Variants in PML observed in about 807,000 individuals in gnomAD.
PML encodes PML nuclear body scaffold, also known as protein PML.
Under a neutral mutation model 65.2 loss-of-function variants are expected in PML, and 28 were observed. The observed-to-expected ratio is 0.43, with a 90% CI of 0.32 to 0.59. PML has a LOEUF of 0.59. PML is among the 20% of genes least tolerant of loss of function. The pLI is 0.08. For synonymous variants in PML, 500 were observed against 508.8 expected (o/e 0.98, Z 0.23); for missense variants, 1,021 against 1,203.4 (o/e 0.85, Z 2.24).
At chr15:74,014,040 A>G (rs901136861) in intron 2 of PML, among the ~76,000 whole-genome samples, 11 of 152,204 alleles carry the variant, frequency 7.2e-5, no homozygotes, top group Non-Finnish European at 1.3e-4. Flanking sequence ...CTCACTGCTG[A>G]CACTATTTGG....
chr15:74,021,469 C>T (rs1240124652), intron 2 of PML, among the ~76,000 whole-genome samples: 1 of 152,074 alleles, frequency 6.6e-6, no homozygotes, highest in African/African-American at 2.4e-5. Flanking sequence ...CTTGTAATCC[C>T]AGCTACTCGG....
chr15:74,005,935 C>G (rs970430856), intron 2 of PML, among the ~76,000 whole-genome samples: 1 of 152,146 alleles, frequency 6.6e-6, no homozygotes, highest in African/African-American at 2.4e-5. Context: ...GGCCGCTCCC[C>G]ACGAGCCCCA....
intron 2 of PML, among the ~76,000 whole-genome samples, chr15:74,020,329 G>A (rs2070779784): frequency 7.4e-6 from 1 of 135,128 alleles, no homozygotes; most frequent in Non-Finnish European, 1.5e-5. Flanking sequence ...TTGCTCTGTT[G>A]GCCAGGCTGG....
intron 4 of PML, chr15:74,027,004 A>G (rs2071107805): frequency 2.6e-5 from 4 of 152,198 alleles, no homozygotes; most frequent in Admixed American, 2.6e-4. Flanking sequence ...TTACAAGCAA[A>G]TATTATTATA....
In PML at chr15:74,037,639, G is replaced by A. The variant is rs1303551068; in HGVS notation, c.1710+3109G>A. On this transcript the variant is annotated intron_variant, in intron 7 of 8. Transcript: ENST00000268058. The surrounding 1 kb of genome is among the most constrained non-coding windows in gnomAD (Gnocchi z 4.2). ...ACCAGGGTGGCCTCTGTGCCTCTAG[G>A]TGCAGTGTCGCGTTTAGTCGTTATT... 4.1e-6 allele frequency: 4 copies of A among 985,256 alleles called. No homozygotes were observed. The highest frequency in any genetic ancestry group is 4.8e-6 in the Non-Finnish European group (4 of 829,936). The allele number at this position is 985,256 out of a possible 1,614,324, so 61.0% of individuals were successfully genotyped here. A position where few individuals can be genotyped will look rare whatever the true frequency, so the allele number is the denominator to read the frequency against.
chr15:74,038,714 C>T (rs1416835582), intron 7 of PML, among the ~76,000 whole-genome samples: 1 of 152,134 alleles, frequency 6.6e-6, no homozygotes, highest in African/African-American at 2.4e-5. Flanking sequence ...CTAACCCATC[C>T]TCCCCAGCTC....
intron 7 of PML, chr15:74,036,869 G>A: frequency 1.1e-6 from 1 of 915,666 alleles, no homozygotes; most frequent in Non-Finnish European, 1.3e-6. Context: ...ACCGAGCACT[G>A]TCGGTCCCTC....
chr15:74,034,335 C>T (rs1294651550), intron 6 of PML, 143 bp from the exon 7 acceptor site: 14 of 984,500 alleles, frequency 1.4e-5, no homozygotes, highest in Non-Finnish European at 2.0e-5. Flanking sequence ...CATTGGCACA[C>T]ACAGTGGCTG....
chr15:73,997,946 C>T (rs2141707077), intron 1 of PML, 58 bp from the exon 2 acceptor site: 9 of 1,472,076 alleles, frequency 6.1e-6, no homozygotes, highest in Non-Finnish European at 8.5e-6. Context: ...GGTGGTTGGC[C>T]GGTAGGTGGG....
intron 7 of PML, chr15:74,036,088 T>A (rs917346558): frequency 6.2e-7 from 1 of 1,613,688 alleles, no homozygotes; most frequent in Admixed American, 1.7e-5. Flanking sequence ...AATCAACGAA[T>A]GAATGGCTAT....
chr15:74,025,139 AG>A, intron 4 of PML: 1 of 574,098 alleles, frequency 1.7e-6, no homozygotes, highest in South Asian at 1.9e-5. Context: ...TAAATGCCAA[AG>A]TTGCTCTTGA....
intron 2 of PML, among the ~76,000 whole-genome samples, chr15:74,006,819 C>T (rs2141753428): frequency 6.6e-6 from 1 of 152,242 alleles, no homozygotes; most frequent in South Asian, 2.1e-4. Context: ...AGGCGTGTCG[C>T]ATGGCAAGAG....
At chr15:74,007,501 C>T (rs188075132) in intron 2 of PML, among the ~76,000 whole-genome samples, 54 of 152,330 alleles carry the variant, frequency 3.5e-4, no homozygotes, top group African/African-American at 1.1e-3. Context: ...TGGACAAACT[C>T]AACTTATTTT....
In PML at chr15:74,045,166, T is replaced by C; in HGVS notation, c.*158T>C. On this transcript the variant is annotated 3_prime_UTR_variant, in exon 9 of 9. Transcript: ENST00000268058. ...CCCTTTCTCTGGGACCAAATTTCCC[T>C]TCTCTAAACATCCTACAGAGAAGGT... is the stretch of plus-strand genomic sequence containing the variant. 1 of 675,720 alleles carries C rather than the reference T, an allele frequency of 1.5e-6. No individual in the cohort carries two copies. Among genetic ancestry groups the C allele is most frequent in the South Asian group, 1.9e-5 (1 of 51,308 alleles). The allele number at this position is 675,720 out of a possible 1,614,324, so 41.9% of individuals were successfully genotyped here.
chr15:74,033,045 GAGGGGAC>G, intron 5 of PML, 104 bp from the exon 6 acceptor site: 1 of 1,148,422 alleles, frequency 8.7e-7, no homozygotes, highest in East Asian at 2.4e-5. Context: ...GAGCAGAGGA[GAGGGGAC>G]AGCAGGAGCA....
intron 1 of PML, among the ~76,000 whole-genome samples, chr15:73,997,541 G>T (rs2069565500): frequency 6.6e-6 from 1 of 152,162 alleles, no homozygotes; most frequent in African/African-American, 2.4e-5. Context: ...GAATAGTGTT[G>T]CTGTGGACAT....
At chr15:74,039,971 G>T (rs2071659271) in intron 7 of PML, among the ~76,000 whole-genome samples, 1 of 152,144 alleles carries the variant, frequency 6.6e-6, no homozygotes, top group Non-Finnish European at 1.5e-5. Context: ...CTGCTGTGTT[G>T]AGTTAGAATG....
At position 74,022,851 on chromosome 15, in the gene PML, A is replaced by C; in HGVS notation, c.626A>C (p.Lys209Thr). ...LTSIYCRGCSKPLCCSCALLD... is the reference protein window; with the variant it reads ...LTSIYCRGCSTPLCCSCALLD... ...AGCATCTACTGCCGAGGATGTTCCA[A>C]GCCGCTGTGCTGCTCGTGCGCGCTC... is the stretch of plus-strand genomic sequence containing the variant. Residue 209 changes from lysine (K) to threonine (T), a missense_variant, in exon 3 of 9, where the codon AAG becomes ACG. By Grantham distance (78) the Lys-to-Thr change is moderately conservative. Coordinates refer to ENST00000268058, the MANE Select transcript of PML (RefSeq NM_033238.3). The C allele has an allele frequency of 6.2e-7, 1 of 1,613,944 alleles. No individual in the cohort carries two copies. The highest frequency in any genetic ancestry group is 8.5e-7 in the Non-Finnish European group (1 of 1,179,996).
intron 2 of PML, among the ~76,000 whole-genome samples, chr15:74,013,921 T>C (rs1241656863): frequency 6.6e-6 from 1 of 152,258 alleles, no homozygotes; most frequent in Non-Finnish European, 1.5e-5. Context: ...TACTATATAA[T>C]TGTAGTGTAT....
Sources: gnomAD v4.1 joint callset for allele counts (sites outside exome capture counted in the v4.1 genomes callset) on GRCh38, gnomAD v4.1.1 for gene constraint, Gnocchi (gnomAD v3.1) non-coding constraint, MANE v1.5 for transcripts, NCBI Gene and HGNC (gene_info 2026-07-23, HGNC 2026-07-21) for gene names.